GAK: variants seen among roughly 807,000 people sequenced by gnomAD.
GAK encodes the protein cyclin G associated kinase, also known as cyclin-G-associated kinase.
A neutral mutation model predicts 143.9 loss-of-function variants in GAK; 79 were observed. The observed-to-expected ratio is 0.55, with a 90% CI of 0.46 to 0.66. The LOEUF (loss-of-function observed/expected upper bound fraction) is 0.66, where lower values mean the gene tolerates loss of function less well. GAK is among the 30% of genes least tolerant of loss of function. The pLI is 0.00. For synonymous variants in GAK, 881 were observed against 765.5 expected, an observed-to-expected ratio of 1.15 and a Z score of -2.49; for missense variants, 1,693 against 1,779.7, an observed-to-expected ratio of 0.95 and a Z score of 0.88.
At chr4:882,849 G>A (rs370677913) in intron 13 of GAK, 30 bp from the exon 14 acceptor site, 659 of 1,600,128 alleles carry the variant, frequency 4.1e-4, no homozygotes, top group Non-Finnish European at 5.4e-4. Flanking sequence ...TGGCACGGAC[G>A]GCAGAGGAGC....
At position 862,025 on chromosome 4, in the gene GAK, G is replaced by A. The variant is rs76800394; in HGVS notation, c.3167-2303C>T. ...AGCAGCAAGCGCTGACGGGGAAGCTGCAGTAAGTCATCTGCTAAGATGCAG... is the reference window on the plus strand; with the variant it reads ...AGCAGCAAGCGCTGACGGGGAAGCTACAGTAAGTCATCTGCTAAGATGCAG... On this transcript the variant is annotated intron_variant, in intron 23 of 27. Transcript: ENST00000314167. Among the ~76,000 whole-genome samples, 456 of 152,364 alleles carry A rather than the reference G, an allele frequency of 3.0e-3. 1 individual carries two copies. The highest frequency in any genetic ancestry group is 0.027 in the Middle Eastern group (8 of 294).
intron 23 of GAK, among the ~76,000 whole-genome samples, chr4:862,514 C>A (rs766795794): frequency 1.3e-5 from 2 of 152,016 alleles, no homozygotes; most frequent in South Asian, 2.1e-4. Flanking sequence ...AAAAATTAGC[C>A]GGGCGTGGTG....
chr4:885,093 T>TGC (rs1291690769), intron 11 of GAK, among the ~76,000 whole-genome samples: 2 of 146,670 alleles, frequency 1.4e-5, no homozygotes, highest in Non-Finnish European at 3.0e-5. Flanking sequence ...GGGTCTTCCG[T>TGC]GCGTTCAAAC....
rs145448359 is a variant in GAK at position 882,814 on chromosome 4, G to C, written c.1410C>G (p.Ser470=). Residue 470 remains serine (S), a synonymous_variant, in exon 14 of 28, where the codon TCC becomes TCG. Coordinates refer to ENST00000314167, the MANE Select transcript of GAK (RefSeq NM_005255.4). ...YRPSRFHNRV[S]ECGWAARRAP... ...CCCGCCGTGCTGCCCAGCCACACTC[G>C]GAGACCTGTGGGGACAGGGCACGGT... is the stretch of plus-strand genomic sequence containing the variant. 3 of 1,609,384 alleles carry C rather than the reference G, an allele frequency of 1.9e-6. No individual in the cohort carries two copies. Among genetic ancestry groups the C allele is most frequent in the African/African-American group, 2.7e-5 (2 of 74,860 alleles).
intron 24 of GAK, among the ~76,000 whole-genome samples, chr4:856,334 G>A (rs1452832617): frequency 7.9e-6 from 1 of 126,928 alleles, no homozygotes; most frequent in East Asian, 2.3e-4. Context: ...GCTCACCACA[G>A]CTGCTCACAC....
intron 5 of GAK, among the ~76,000 whole-genome samples, chr4:903,020 C>T (rs899118307): frequency 1.3e-5 from 2 of 152,256 alleles, no homozygotes; most frequent in African/African-American, 2.4e-5. Flanking sequence ...CAGCTCAGGG[C>T]ATGGACAGCC....
At chr4:851,116 A>C (rs1355542099) in intron 25 of GAK, 32 bp from the exon 26 acceptor site, 1 of 1,599,076 alleles carries the variant, frequency 6.3e-7, no homozygotes, top group South Asian at 1.1e-5. Flanking sequence ...TTTTTGTTTG[A>C]GACAGGGTCT....
intron 18 of GAK, among the ~76,000 whole-genome samples, chr4:874,808 C>G (rs1460694628): frequency 6.6e-6 from 1 of 152,164 alleles, no homozygotes; most frequent in Non-Finnish European, 1.5e-5. Flanking sequence ...TCTCCTAGAA[C>G]TTCAAGTAAA....
chr4:876,782 A>C (rs913098037), intron 17 of GAK, among the ~76,000 whole-genome samples, 173 bp from the exon 18 acceptor site: 4 of 152,226 alleles, frequency 2.6e-5, no homozygotes, highest in African/African-American at 9.6e-5. Context: ...TGTGTGTGGC[A>C]GGTAACCCTG....
chr4:923,171 C>G (rs1009646056), intron 1 of GAK, among the ~76,000 whole-genome samples: 1 of 152,146 alleles, frequency 6.6e-6, no homozygotes, highest in Non-Finnish European at 1.5e-5. Context: ...GCATCCCGAC[C>G]GTCACCACTG....
At chr4:915,809 G>A (rs1289955462) in intron 1 of GAK, 1 of 152,162 alleles carries the variant, frequency 6.6e-6, no homozygotes, top group East Asian at 1.9e-4. Flanking sequence ...GGAAGGAGGC[G>A]GGGATCCTTG....
rs545057717 is a variant in GAK, at chr4:849,652, G to A, written c.*21C>T. On this transcript the variant is annotated 3_prime_UTR_variant, in exon 28 of 28. Transcript: ENST00000314167. ...GCTCCCAACCTGTGGAGCTGTGTGCGCAGCCACCACCACTGCGGCCTCAGA... is the reference window on the plus strand; with the variant it reads ...GCTCCCAACCTGTGGAGCTGTGTGCACAGCCACCACCACTGCGGCCTCAGA... The A allele has an allele frequency of 4.4e-4, 696 of 1,583,314 alleles. 3 individuals are homozygous for A. The South Asian group carries it at 4.7e-3, about 11-fold the overall frequency.
chr4:878,891 T>A (rs887459935), intron 15 of GAK, among the ~76,000 whole-genome samples: 2 of 152,146 alleles, frequency 1.3e-5, no homozygotes, highest in Non-Finnish European at 2.9e-5. Flanking sequence ...ACCACTTCTA[T>A]GGTGACGGTG....
intron 24 of GAK, chr4:852,215 G>A (rs942277288): frequency 5.5e-5 from 32 of 584,112 alleles, no homozygotes; most frequent in Non-Finnish European, 8.9e-5. Context: ...CACCAGGACA[G>A]GGCAGCTGTG....
At chr4:864,030 G>T (rs1205054501) in intron 23 of GAK, among the ~76,000 whole-genome samples, 2 of 151,142 alleles carry the variant, frequency 1.3e-5, no homozygotes, top group African/African-American at 4.9e-5. Context: ...ATCTCCCAAA[G>T]AAACAAACAA....
intron 27 of GAK, 59 bp from the exon 28 acceptor site, chr4:849,833 G>GGGGCCCCCCCCCCCCC: frequency 2.5e-6 from 3 of 1,190,150 alleles, no homozygotes; most frequent in Non-Finnish European, 2.3e-6. Context: ...GGCGGGGCAG[G>GGGGCCCCCCCCCCCCC]ACCCCCCCCC....
At chr4:919,797 A>G (rs1039253505) in intron 1 of GAK, among the ~76,000 whole-genome samples, 3 of 152,238 alleles carry the variant, frequency 2.0e-5, no homozygotes, top group African/African-American at 7.2e-5. Context: ...AACACCATGA[A>G]GCAGAAATTT....
chr4:850,854 G>A (rs986442413), intron 26 of GAK, 82 bp downstream of exon 26: 23 of 1,472,460 alleles, frequency 1.6e-5, no homozygotes, highest in South Asian at 5.2e-5. Context: ...TGGAGACGCC[G>A]GCTCCATAAG....
intron 11 of GAK, 80 bp downstream of exon 11, chr4:888,767 C>T (rs1328212091): frequency 2.0e-5 from 30 of 1,514,938 alleles, no homozygotes; most frequent in Non-Finnish European, 2.5e-5. Context: ...GCTGTTCCAC[C>T]GCAGCCAGGA....
Sources: allele counts gnomAD v4.1 joint callset (sites outside exome capture counted in the v4.1 genomes callset), GRCh38; gene constraint gnomAD v4.1.1; transcripts MANE v1.5; gene names NCBI Gene and HGNC (gene_info 2026-07-23, HGNC 2026-07-21).